LINGO2: variants seen among roughly 807,000 people sequenced by gnomAD.
The protein encoded by LINGO2 is leucine rich repeat and Ig domain containing 2, also known as leucine-rich repeat and immunoglobulin-like domain-containing nogo receptor-interacting protein 2.
A neutral mutation model predicts 30.6 loss-of-function variants in LINGO2; 14 were observed. That is an observed-to-expected ratio of 0.46 (90% CI 0.30 to 0.72). The LOEUF (loss-of-function observed/expected upper bound fraction) is 0.72. Ranked by LOEUF, LINGO2 falls within the 30% of genes least tolerant of loss-of-function variation. LINGO2 has a pLI of 0.07. For missense variants in LINGO2, 729 were observed against 751.7 expected (o/e 0.97, Z 0.35); for synonymous variants, 317 against 288.5 (o/e 1.10, Z -1.00).
the LINGO2 span, among the ~76,000 whole-genome samples, chr9:28,930,721 T>A: frequency 1.3e-5 from 2 of 151,972 alleles, no homozygotes; most frequent in Non-Finnish European, 2.9e-5. This position sits in a 1 kb window ranked among gnomAD's most constrained non-coding sequence, Gnocchi z 4.2. Flanking sequence ...GGAGAGAAAA[T>A]TAAAATGGAG....
intron 2 of LINGO2, among the ~76,000 whole-genome samples, chr9:28,377,445 CCTA>C (rs964477478): frequency 1.4e-4 from 21 of 152,098 alleles, no homozygotes; most frequent in African/African-American, 4.3e-4. Context: ...GATGTCTTAA[CCTA>C]CTGTTTATGT....
intron 4 of LINGO2, among the ~76,000 whole-genome samples, chr9:28,272,453 C>T (rs1822975464): frequency 6.6e-6 from 1 of 151,952 alleles, no homozygotes; most frequent in African/African-American, 2.4e-5. Flanking sequence ...CGTCACATGG[C>T]TTTCTCCTTC....
the LINGO2 span, among the ~76,000 whole-genome samples, chr9:28,911,814 T>G: frequency 2.0e-5 from 3 of 152,048 alleles, no homozygotes; most frequent in African/African-American, 4.8e-5. Context: ...ATGTACGTTC[T>G]CTCCATCTAG....
chr9:28,186,962 C>CA (rs1331089730), intron 4 of LINGO2, among the ~76,000 whole-genome samples: 1 of 151,940 alleles, frequency 6.6e-6, no homozygotes, highest in Non-Finnish European at 1.5e-5. Context: ...GTTTTGGTGC[C>CA]AAAAAGTGAC....
chr9:28,757,050 T>A, the LINGO2 span, among the ~76,000 whole-genome samples: 2 of 152,186 alleles, frequency 1.3e-5, no homozygotes, highest in South Asian at 4.1e-4. Context: ...AATCCAATGA[T>A]GATGATAATA....
intron 1 of LINGO2, among the ~76,000 whole-genome samples, chr9:28,547,191 G>C (rs575946577): frequency 6.6e-6 from 1 of 152,204 alleles, no homozygotes; most frequent in South Asian, 2.1e-4. Flanking sequence ...GTGAAATCGA[G>C]TATTCTCCCT....
chr9:28,704,027 G>A, the LINGO2 span, among the ~76,000 whole-genome samples: 1 of 151,624 alleles, frequency 6.6e-6, no homozygotes, highest in African/African-American at 2.4e-5. Flanking sequence ...CTTCTCTAAT[G>A]GTTTTCCTTT....
At chr9:28,798,002 T>A in the LINGO2 span, among the ~76,000 whole-genome samples, 2 of 151,992 alleles carry the variant, frequency 1.3e-5, no homozygotes, top group African/African-American at 4.8e-5. Context: ...ACAGTTCAAT[T>A]AAAAAAGAAA....
chr9:28,869,730 CA>C, the LINGO2 span, among the ~76,000 whole-genome samples: 2 of 151,880 alleles, frequency 1.3e-5, no homozygotes, highest in Non-Finnish European at 2.9e-5. Context: ...AATAGGTGAT[CA>C]ATAGGTCAAA....
the LINGO2 span, among the ~76,000 whole-genome samples, chr9:28,771,960 T>A: frequency 1.3e-5 from 2 of 152,166 alleles, no homozygotes; most frequent in Non-Finnish European, 2.9e-5. Flanking sequence ...ATGGAATAAC[T>A]GAATGCCGTA....
chr9:28,210,414 A>G (rs1239724213), intron 4 of LINGO2, among the ~76,000 whole-genome samples: 1 of 151,596 alleles, frequency 6.6e-6, no homozygotes, highest in Admixed American at 6.6e-5. Context: ...ATATATGGAA[A>G]ATGTAGCTGT....
chr9:28,741,485 C>A, the LINGO2 span, among the ~76,000 whole-genome samples: 30 of 152,032 alleles, frequency 2.0e-4, no homozygotes, highest in African/African-American at 7.0e-4. Flanking sequence ...CTGAGTGGGC[C>A]TAATGCCTGT....
At chr9:28,330,996 G>A (rs151121849) in intron 3 of LINGO2, among the ~76,000 whole-genome samples, 1 of 151,886 alleles carries the variant, frequency 6.6e-6, no homozygotes, top group Non-Finnish European at 1.5e-5. Flanking sequence ...ACTTAAATAG[G>A]CTAAATTTTC....
the LINGO2 span, chr9:27,940,393 G>C: frequency 6.6e-6 from 1 of 152,128 alleles, no homozygotes; most frequent in Non-Finnish European, 1.5e-5. Flanking sequence ...AAAGGCACCA[G>C]TGTGACAAGC....
intron 4 of LINGO2, among the ~76,000 whole-genome samples, chr9:28,175,882 G>A (rs563577667): frequency 1.1e-4 from 17 of 152,274 alleles, no homozygotes; most frequent in African/African-American, 2.2e-4. Context: ...GATGAAGCTC[G>A]TTCTCTGATC....
chr9:28,187,415 G>A (rs897470852), intron 4 of LINGO2, among the ~76,000 whole-genome samples: 14 of 151,630 alleles, frequency 9.2e-5, no homozygotes, highest in African/African-American at 3.4e-4. Context: ...AGTTGAGCCT[G>A]GGAGACGGAG....
chr9:28,018,890 T>C (rs535414142), intron 4 of LINGO2, among the ~76,000 whole-genome samples: 14 of 152,268 alleles, frequency 9.2e-5, no homozygotes, highest in African/African-American at 3.1e-4. Flanking sequence ...TGCACACATA[T>C]TCATTGCAGC....
the LINGO2 span, among the ~76,000 whole-genome samples, chr9:28,867,468 A>G: frequency 6.6e-6 from 1 of 151,642 alleles, no homozygotes; most frequent in Admixed American, 6.6e-5. Flanking sequence ...GGCAGGCTCT[A>G]TGTCTTTCAA....
chr9:29,140,441 G>C, the LINGO2 span, among the ~76,000 whole-genome samples: 1 of 151,648 alleles, frequency 6.6e-6, no homozygotes, highest in African/African-American at 2.4e-5. Flanking sequence ...GGATCAAGCA[G>C]AAGAAAGAAG....
Sources: gnomAD v4.1 joint callset for allele counts (sites outside exome capture counted in the v4.1 genomes callset) on GRCh38, gnomAD v4.1.1 for gene constraint, Gnocchi (gnomAD v3.1) non-coding constraint, MANE v1.5 for transcripts, NCBI Gene and HGNC (gene_info 2026-07-23, HGNC 2026-07-21) for gene names.